The following SGMS1 variants were observed in gnomAD, a reference collection of about 807,000 sequenced individuals.
The protein encoded by SGMS1 is sphingomyelin synthase 1, also known as phosphatidylcholine:ceramide cholinephosphotransferase 1.
A neutral mutation model predicts 46.2 loss-of-function variants in SGMS1; 13 were observed. The ratio of observed to expected loss-of-function variants is 0.28; its 90% CI spans 0.18 to 0.45. The LOEUF (loss-of-function observed/expected upper bound fraction) is 0.45, where lower values mean the gene tolerates loss of function less well. Ranked by LOEUF, SGMS1 falls within the 20% of genes least tolerant of loss-of-function variation. SGMS1 has a pLI of 1.00. For synonymous variants in SGMS1, 203 were observed against 187.8 expected (o/e 1.08, Z -0.66); for missense variants, 324 against 519.9 (o/e 0.62, Z 3.66).
intron 2 of SGMS1, among the ~76,000 whole-genome samples, chr10:50,546,087 G>A (rs1240285565): frequency 1.3e-5 from 2 of 152,068 alleles, no homozygotes; most frequent in African/African-American, 2.4e-5. Context: ...GTTCTGCCTC[G>A]GATAGACTGC....
intron 1 of SGMS1, among the ~76,000 whole-genome samples, chr10:50,617,175 G>A (rs1838806207): frequency 6.6e-6 from 1 of 152,184 alleles, no homozygotes; most frequent in African/African-American, 2.4e-5. Flanking sequence ...GAAATGCATA[G>A]TGGTGACAAC....
At chr10:50,505,269 C>A (rs992478653) in intron 3 of SGMS1, among the ~76,000 whole-genome samples, 1 of 152,092 alleles carries the variant, frequency 6.6e-6, no homozygotes, top group African/African-American at 2.4e-5. Context: ...CCCATAGAAA[C>A]AATCAGAGGA....
chr10:50,563,979 G>A (rs753070256), intron 2 of SGMS1, among the ~76,000 whole-genome samples: 1 of 152,186 alleles, frequency 6.6e-6, no homozygotes, highest in Non-Finnish European at 1.5e-5. Flanking sequence ...GCAAGCAGGC[G>A]CCGCCTAGAG....
Position 50,307,239 on chromosome 10 carries a change from T to C in SGMS1, c.1145A>G (p.Gln382Arg). 6.2e-7 allele frequency: 1 copy of C among 1,614,138 alleles called. No individual in the cohort carries two copies. The highest frequency in any genetic ancestry group is 8.5e-7 in the Non-Finnish European group (1 of 1,180,002). ...RPFQYFEKNV[Q>R]GIVPRSYHWP... is the part of the protein sequence containing the mutation. ...ATGGTAAGATCGAGGTACAATTCCTTGGACATTCTTTTCAAAGTACTGAAA... is the reference window on the plus strand; with the variant it reads ...ATGGTAAGATCGAGGTACAATTCCTCGGACATTCTTTTCAAAGTACTGAAA... Residue 382 changes from glutamine (Q) to arginine (R), a missense_variant, in exon 11 of 11, where the codon CAA (glutamine) becomes CGA (arginine). Gln to Arg is a conservative substitution (Grantham distance 43). This residue lies in a region of SGMS1 where 174 missense variants were observed against 350.1 expected (regional missense o/e 0.50). Transcript: ENST00000361781. The surrounding 1 kb of genome is among the most constrained non-coding windows in gnomAD (Gnocchi z 4.2).
Position 50,438,031 on chromosome 10 carries a change from G to A in SGMS1, c.-312-4475C>T, listed in dbSNP as rs1310671813. Among the ~76,000 whole-genome samples, 2 of 152,198 alleles carry A rather than the reference G, an allele frequency of 1.3e-5. 1 individual carries two copies. Among genetic ancestry groups the A allele is most frequent in the Non-Finnish European group, 2.9e-5 (2 of 68,030 alleles). On this transcript the variant is annotated intron_variant, in intron 5 of 10. Transcript: ENST00000361781. ...CTCAGGGCTGTTGAATTCTCTGTAG[G>A]TCAGAAGGAAGGAAAAAAGCAGAAG...
chr10:50,566,303 C>A (rs1405587843), intron 2 of SGMS1, among the ~76,000 whole-genome samples: 4 of 151,876 alleles, frequency 2.6e-5, no homozygotes, highest in Admixed American at 2.6e-4. Context: ...TAACCTTTAA[C>A]CTTTGTGTTT....
intron 1 of SGMS1, among the ~76,000 whole-genome samples, chr10:50,623,190 T>C (rs1014370767): frequency 8.6e-5 from 13 of 151,612 alleles, no homozygotes; most frequent in South Asian, 4.2e-4. Context: ...GATCCCGAAA[T>C]AGTGGGCGCC....
At chr10:50,448,955 A>G (rs1468222229) in intron 5 of SGMS1, among the ~76,000 whole-genome samples, 1 of 152,148 alleles carries the variant, frequency 6.6e-6, no homozygotes, top group Non-Finnish European at 1.5e-5. Context: ...AGCATATGAA[A>G]AGGGCTCCAC....
intron 3 of SGMS1, among the ~76,000 whole-genome samples, chr10:50,492,749 GC>G (rs1380605825): frequency 6.6e-6 from 1 of 152,106 alleles, no homozygotes; most frequent in Non-Finnish European, 1.5e-5. Flanking sequence ...CTGATTCAAT[GC>G]TTTCCTATTA....
At chr10:50,512,285 T>C (rs569372240) in intron 3 of SGMS1, among the ~76,000 whole-genome samples, 1 of 151,854 alleles carries the variant, frequency 6.6e-6, no homozygotes, top group South Asian at 2.1e-4. Context: ...AGAACCAAGC[T>C]AGCACCTGTC....
chr10:50,391,551 A>C (rs1366715279), intron 6 of SGMS1, among the ~76,000 whole-genome samples: 1 of 152,218 alleles, frequency 6.6e-6, no homozygotes, highest in Non-Finnish European at 1.5e-5. Context: ...AAAAGGGAAC[A>C]CTTACACACC....
intron 2 of SGMS1, among the ~76,000 whole-genome samples, chr10:50,556,421 A>G (rs1007124205): frequency 2.6e-5 from 4 of 152,170 alleles, no homozygotes; most frequent in African/African-American, 9.7e-5. Flanking sequence ...TGGTCACCAA[A>G]GGCCTCATTC....
intron 3 of SGMS1, among the ~76,000 whole-genome samples, chr10:50,506,691 A>T (rs1253845317): frequency 6.6e-6 from 1 of 152,176 alleles, no homozygotes. Context: ...CAATTATCAG[A>T]ATTTTTTTAA....
intron 7 of SGMS1, among the ~76,000 whole-genome samples, chr10:50,336,376 G>A (rs1013524184): frequency 1.3e-5 from 2 of 152,218 alleles, no homozygotes; most frequent in African/African-American, 2.4e-5. Context: ...GTGCAGAAAC[G>A]TGACTGAAGT....
At chr10:50,375,123 A>G (rs1233193792) in intron 6 of SGMS1, among the ~76,000 whole-genome samples, 2 of 152,126 alleles carry the variant, frequency 1.3e-5, no homozygotes, top group Admixed American at 6.5e-5. Context: ...CCAAGCAGAA[A>G]GAAGTAAGGA....
intron 6 of SGMS1, among the ~76,000 whole-genome samples, chr10:50,353,594 T>A (rs1848066388): frequency 1.3e-5 from 2 of 152,286 alleles, no homozygotes; most frequent in Admixed American, 1.3e-4. Context: ...GCCAGGGCAA[T>A]CAGGCAGGAG....
chr10:50,498,970 C>T (rs1003137004), intron 3 of SGMS1, among the ~76,000 whole-genome samples: 1 of 152,146 alleles, frequency 6.6e-6, no homozygotes, highest in Non-Finnish European at 1.5e-5. Flanking sequence ...TCCTGGCCAA[C>T]ATTTGTTATT....
chr10:50,447,055 CTAAA>C (rs1452542143), intron 5 of SGMS1, among the ~76,000 whole-genome samples: 1 of 152,140 alleles, frequency 6.6e-6, no homozygotes, highest in Non-Finnish European at 1.5e-5. Flanking sequence ...TGCTTCCTAT[CTAAA>C]TAGTCTTTGA....
At chr10:50,584,746 T>G (rs1382944377) in intron 2 of SGMS1, among the ~76,000 whole-genome samples, 1 of 152,208 alleles carries the variant, frequency 6.6e-6, no homozygotes, top group Non-Finnish European at 1.5e-5. Context: ...AATCCATGTG[T>G]AAGTATGACC....
Sources: gnomAD v4.1 joint callset for allele counts (sites outside exome capture counted in the v4.1 genomes callset) on GRCh38, gnomAD v4.1.1 for gene constraint, gnomAD v4.1.1 regional missense constraint, Gnocchi (gnomAD v3.1) non-coding constraint, MANE v1.5 for transcripts, NCBI Gene and HGNC (gene_info 2026-07-23, HGNC 2026-07-21) for gene names.